Variants in AGTPBP1 observed in about 807,000 individuals in gnomAD.
AGTPBP1 encodes the protein cytosolic carboxypeptidase 1.
In AGTPBP1, 70 loss-of-function variants were observed where a neutral mutation model predicts 143.9. That is an observed-to-expected ratio of 0.49 (90% CI 0.40 to 0.59). The LOEUF (loss-of-function observed/expected upper bound fraction) is 0.59, where lower values mean the gene tolerates loss of function less well. Among genes scored for constraint, AGTPBP1 ranks in the 20% least tolerant of loss-of-function variants. The pLI is 0.00. For missense variants in AGTPBP1, 1,229 were observed against 1,464.5 expected (o/e 0.84, Z 2.62); for synonymous variants, 463 against 500.2 (o/e 0.93, Z 0.99).
At chr9:85,559,161 C>T (rs1259738369) in intron 25 of AGTPBP1, among the ~76,000 whole-genome samples, 2 of 152,126 alleles carry the variant, frequency 1.3e-5, no homozygotes, top group South Asian at 2.1e-4. Context: ...ATGAGTCCTA[C>T]CAGTATTTCC....
intron 2 of AGTPBP1, among the ~76,000 whole-genome samples, chr9:85,702,501 A>G (rs950449392): frequency 4.0e-5 from 6 of 151,394 alleles, no homozygotes; most frequent in African/African-American, 1.5e-4. Flanking sequence ...GCTGACTCAC[A>G]ATATCATCTC....
intron 17 of AGTPBP1, among the ~76,000 whole-genome samples, chr9:85,611,090 G>T (rs1471666767): frequency 6.7e-6 from 1 of 150,358 alleles, no homozygotes; most frequent in Non-Finnish European, 1.5e-5. Flanking sequence ...GGCAGATGGA[G>T]CAAGACTGAA....
chr9:85,556,800 T>C (rs1315583912), intron 25 of AGTPBP1, among the ~76,000 whole-genome samples: 2 of 152,096 alleles, frequency 1.3e-5, no homozygotes, highest in African/African-American at 4.8e-5. Context: ...ACTATAATAA[T>C]ACATAAAGCA....
chr9:85,792,687 AAAGT>A, the AGTPBP1 span, among the ~76,000 whole-genome samples: 1 of 152,258 alleles, frequency 6.6e-6, no homozygotes, highest in Admixed American at 6.5e-5. Context: ...AATGAAACAC[AAAGT>A]AATTAGGAGG....
intron 25 of AGTPBP1, among the ~76,000 whole-genome samples, chr9:85,561,524 A>G (rs2132852689): frequency 6.6e-6 from 1 of 152,272 alleles, no homozygotes; most frequent in East Asian, 1.9e-4. Flanking sequence ...AATGTCACCT[A>G]GATTCTCCAG....
At chr9:85,779,690 T>C in the AGTPBP1 span, among the ~76,000 whole-genome samples, 1 of 152,202 alleles carries the variant, frequency 6.6e-6, no homozygotes, top group East Asian at 1.9e-4. Flanking sequence ...TCACACCATC[T>C]CTACCAAAAA....
the AGTPBP1 span, among the ~76,000 whole-genome samples, chr9:85,789,186 T>G: frequency 6.6e-6 from 1 of 152,148 alleles, no homozygotes; most frequent in Non-Finnish European, 1.5e-5. Context: ...ATGACAGATT[T>G]CATGCCACAT....
At chr9:85,780,899 G>A in the AGTPBP1 span, among the ~76,000 whole-genome samples, 6 of 152,266 alleles carry the variant, frequency 3.9e-5, no homozygotes, top group East Asian at 1.9e-4. Flanking sequence ...GGCAGTTCAC[G>A]AGGTCAGGAG....
the AGTPBP1 span, among the ~76,000 whole-genome samples, chr9:85,772,875 C>T: frequency 1.3e-5 from 2 of 152,024 alleles, no homozygotes; most frequent in Non-Finnish European, 2.9e-5. Context: ...TCCACTTAGA[C>T]TAGAGAAATA....
intron 1 of AGTPBP1, among the ~76,000 whole-genome samples, chr9:85,723,906 C>T (rs1838294529): frequency 6.6e-6 from 1 of 152,140 alleles, no homozygotes; most frequent in African/African-American, 2.4e-5. Flanking sequence ...TGAAAAGGCA[C>T]CATCTATGAA....
chr9:85,572,224 C>T (rs563458214), intron 25 of AGTPBP1, among the ~76,000 whole-genome samples: 69 of 151,730 alleles, frequency 4.5e-4, no homozygotes, highest in Non-Finnish European at 8.8e-4. Context: ...GACAGGGTTT[C>T]GCCATGTTGG....
intron 25 of AGTPBP1, among the ~76,000 whole-genome samples, chr9:85,558,967 G>C (rs962930653): frequency 3.3e-5 from 5 of 152,066 alleles, no homozygotes; most frequent in African/African-American, 1.2e-4. Flanking sequence ...TTCATCCACA[G>C]ACCTGATATC....
chr9:85,693,792 TA>T (rs1201088067), intron 2 of AGTPBP1, among the ~76,000 whole-genome samples: 1 of 151,654 alleles, frequency 6.6e-6, no homozygotes, highest in East Asian at 1.9e-4. Context: ...ATTGGGGGAA[TA>T]AAAAGTGCAG....
At chr9:85,590,862 G>GA (rs1828915145) in intron 19 of AGTPBP1, among the ~76,000 whole-genome samples, 1 of 152,206 alleles carries the variant, frequency 6.6e-6, no homozygotes, top group African/African-American at 2.4e-5. Flanking sequence ...GAGAAACAAA[G>GA]AATCTGACAC....
In AGTPBP1 at chr9:85,619,026, A is replaced by C; in HGVS notation, c.2292T>G (p.Phe764Leu). Reference sequence around the variant, plus strand: ...TGGACTTTTCACAGTTAATGATGTTAAACCTGTAAGCAACACCTGGTCGCA... The same window carrying C: ...TGGACTTTTCACAGTTAATGATGTTCAACCTGTAAGCAACACCTGGTCGCA... ...SGMRPGVAYRFNIINCEKSNS... is the reference protein window; with the variant it reads ...SGMRPGVAYRLNIINCEKSNS... The change falls in exon 17 of 26, where the codon TTT (phenylalanine) becomes TTG (leucine). Residue 764 changes from phenylalanine (F) to leucine (L), a missense_variant. Coordinates refer to ENST00000357081, the MANE Select transcript of AGTPBP1 (RefSeq NM_001330701.2). 1 of 1,613,836 alleles carries C rather than the reference A, an allele frequency of 6.2e-7. No homozygotes were observed. Among genetic ancestry groups the C allele is most frequent in the Non-Finnish European group, 8.5e-7 (1 of 1,179,858 alleles).
At chr9:85,641,096 T>A (rs1021094413) in intron 13 of AGTPBP1, among the ~76,000 whole-genome samples, 5 of 152,176 alleles carry the variant, frequency 3.3e-5, no homozygotes, top group African/African-American at 1.2e-4. Flanking sequence ...TCAGTAGCCA[T>A]CTGCTACCAG....
the AGTPBP1 span, among the ~76,000 whole-genome samples, chr9:85,759,858 T>C: frequency 6.6e-6 from 1 of 151,876 alleles, no homozygotes; most frequent in Admixed American, 6.6e-5. Context: ...TCAACAAAAC[T>C]GACAGACCGC....
chr9:85,647,513 C>T (rs1286120328), intron 11 of AGTPBP1, among the ~76,000 whole-genome samples: 1 of 151,974 alleles, frequency 6.6e-6, no homozygotes, highest in African/African-American at 2.4e-5. Flanking sequence ...TGAGGTGGCT[C>T]ATGAGGTCAA....
intron 25 of AGTPBP1, among the ~76,000 whole-genome samples, chr9:85,553,661 T>C (rs1242419125): frequency 6.6e-6 from 1 of 152,230 alleles, no homozygotes; most frequent in African/African-American, 2.4e-5. Context: ...TATTTTGCCA[T>C]TGAACTAAAA....
Sources: allele counts gnomAD v4.1 joint callset (sites outside exome capture counted in the v4.1 genomes callset), GRCh38; gene constraint gnomAD v4.1.1; transcripts MANE v1.5; gene names NCBI Gene and HGNC (gene_info 2026-07-23, HGNC 2026-07-21).